The following TRPS1 variants were observed in gnomAD, a reference collection of about 807,000 sequenced individuals.
TRPS1 encodes the protein transcriptional repressor GATA binding 1.
In TRPS1, 6 loss-of-function variants were observed where a neutral mutation model predicts 101.2. The observed-to-expected ratio is 0.06, with a 90% CI of 0.03 to 0.12. The LOEUF (loss-of-function observed/expected upper bound fraction) is 0.12. Among genes scored for constraint, TRPS1 ranks in the 10% least tolerant of loss-of-function variants. TRPS1 has a pLI of 1.00. For synonymous variants in TRPS1, 578 were observed against 589.8 expected (o/e 0.98, Z 0.29); for missense variants, 1,363 against 1,567.0 (o/e 0.87, Z 2.20).
chr8:115,561,936 G>A (rs1816954997), intron 5 of TRPS1, among the ~76,000 whole-genome samples: 1 of 152,016 alleles, frequency 6.6e-6, no homozygotes, highest in Non-Finnish European at 1.5e-5. Context: ...TTAATCATGT[G>A]CAGATCATGA....
chr8:115,438,718 C>A (rs898694288), intron 5 of TRPS1, among the ~76,000 whole-genome samples: 1 of 151,994 alleles, frequency 6.6e-6, no homozygotes, highest in Non-Finnish European at 1.5e-5. Flanking sequence ...ACATTTTCTG[C>A]CTCCCTCCCT....
At chr8:115,661,191 T>C (rs1400297871) in intron 1 of TRPS1, among the ~76,000 whole-genome samples, 2 of 152,048 alleles carry the variant, frequency 1.3e-5, no homozygotes, top group Non-Finnish European at 2.9e-5. Context: ...AAAAATTCCT[T>C]AGTAAATTCA....
intron 5 of TRPS1, among the ~76,000 whole-genome samples, chr8:115,453,801 T>C (rs1813944234): frequency 6.6e-6 from 1 of 152,258 alleles, no homozygotes; most frequent in Non-Finnish European, 1.5e-5. Flanking sequence ...GTATATAAAA[T>C]GTACAAATTG....
At chr8:115,526,274 C>CAA (rs1815996666) in intron 5 of TRPS1, among the ~76,000 whole-genome samples, 1 of 151,960 alleles carries the variant, frequency 6.6e-6, no homozygotes, top group South Asian at 2.1e-4. Context: ...ACGCCACTTA[C>CAA]ACTCCAGCGT....
rs1034189262 is a variant in TRPS1 at position 115,639,601 on chromosome 8, G to A, written c.-121-15843C>T. On this transcript the variant is annotated intron_variant, in intron 1 of 6. Transcript: ENST00000395715. ...TCCCAGCACTTTGGAAGGCCAAGTCGGTGGACCACTTGAGTCCAGGAGTTG... is the reference window on the plus strand; with the variant it reads ...TCCCAGCACTTTGGAAGGCCAAGTCAGTGGACCACTTGAGTCCAGGAGTTG... Among the ~76,000 whole-genome samples the A allele has an allele frequency of 5.3e-5, 8 of 151,890 alleles. No individual in the cohort carries two copies. In the East Asian group the frequency reaches 5.8e-4, roughly 11 times the overall value.
intron 5 of TRPS1, 162 bp downstream of exon 5, chr8:115,586,839 G>A (rs1817569884): frequency 8.7e-7 from 1 of 1,151,970 alleles, no homozygotes; most frequent in African/African-American, 1.5e-5. Context: ...AAACACACAT[G>A]AGTTACTTGC....
Position 115,604,311 on chromosome 8 carries a change from A to C in TRPS1, c.1658T>G (p.Val553Gly). The C allele has an allele frequency of 6.2e-7, 1 of 1,614,112 alleles. No homozygotes were observed. The highest frequency in any genetic ancestry group is 8.5e-7 in the Non-Finnish European group (1 of 1,180,010). The change falls in exon 4 of 7, where the codon GTA (valine) becomes GGA (glycine). Residue 553 changes from valine to glycine, a missense_variant. By Grantham distance (109) the Val-to-Gly change is moderately radical (BLOSUM62 -3). Transcript: ENST00000395715. The surrounding 1 kb of genome is among the most constrained non-coding windows in gnomAD (Gnocchi z 4.1). ...FRYSKSHGPD[V>G]IVVGPLLRHY... Reference sequence around the variant, plus strand: ...ACGGAGAAGTGGCCCCACTACAATTACATCAGGGCCATGGCTTTTGGAATA... The same window carrying C: ...ACGGAGAAGTGGCCCCACTACAATTCCATCAGGGCCATGGCTTTTGGAATA...
intron 5 of TRPS1, among the ~76,000 whole-genome samples, chr8:115,579,517 T>C (rs1817394741): frequency 6.6e-6 from 1 of 152,126 alleles, no homozygotes. Context: ...ATCTTATCAC[T>C]TCCTTCACAC....
At chr8:115,432,056 A>G (rs987844894) in intron 5 of TRPS1, among the ~76,000 whole-genome samples, 4 of 151,880 alleles carry the variant, frequency 2.6e-5, no homozygotes, top group Non-Finnish European at 5.9e-5. Context: ...ATATATTTAA[A>G]AAATTCAGAG....
rs759891879 is a variant in TRPS1 at position 115,414,900 on chromosome 8, T to C, written c.3008A>G (p.Glu1003Gly). 4.3e-6 allele frequency: 7 copies of C among 1,611,546 alleles called. No homozygotes were observed. In the South Asian group the frequency reaches 4.4e-5, roughly 10 times the overall value. The stretch of plus-strand genomic sequence containing the variant: ...GAGTGGAATTTCTCTCTGGTGACTT[T>C]CAGTTAGATGATCTTCTGACCTCCT... ...LERRSEDHLT[E>G]SHQREIPLPS... is the part of the protein sequence containing the mutation. Residue 1003 changes from glutamate (E) to glycine (G), a missense_variant, in exon 7 of 7, where the codon GAA (glutamate) becomes GGA (glycine). By Grantham distance (98) the Glu-to-Gly change is moderately conservative. This residue lies in a region of TRPS1 where 307 missense variants were observed against 392.4 expected (regional missense o/e 0.78). Transcript: ENST00000395715. This position sits in a 1 kb window ranked among gnomAD's most constrained non-coding sequence, Gnocchi z 4.8.
At chr8:115,441,896 A>AGTGTGTGTGT (rs1459432091) in intron 5 of TRPS1, among the ~76,000 whole-genome samples, 22 of 133,156 alleles carry the variant, frequency 1.7e-4, no homozygotes, top group Admixed American at 3.0e-4. Flanking sequence ...AGAGAGAGAG[A>AGTGTGTGTGT]GAGTGTGTGT....
intron 5 of TRPS1, among the ~76,000 whole-genome samples, chr8:115,437,179 A>C (rs1813477131): frequency 6.6e-6 from 1 of 152,136 alleles, no homozygotes; most frequent in Non-Finnish European, 1.5e-5. Flanking sequence ...ATTTTCTTTT[A>C]GTTTTTTACA....
chr8:115,605,023 A>C, intron 3 of TRPS1, 21 bp from the exon 4 acceptor site: 1 of 1,610,118 alleles, frequency 6.2e-7, no homozygotes, highest in Non-Finnish European at 8.5e-7. Context: ...GAAGAAATGG[A>C]CTTTACTTCC....
chr8:115,598,033 A>G (rs1817826555), intron 4 of TRPS1, among the ~76,000 whole-genome samples: 1 of 152,168 alleles, frequency 6.6e-6, no homozygotes, highest in African/African-American at 2.4e-5. Flanking sequence ...GACTTTTGAT[A>G]TCTACAATTT....
chr8:115,616,293 T>A (rs976432262), intron 3 of TRPS1, among the ~76,000 whole-genome samples: 7 of 152,362 alleles, frequency 4.6e-5, no homozygotes, highest in African/African-American at 1.4e-4. Flanking sequence ...AAAGTGGATA[T>A]TATCAGCACA....
chr8:115,432,273 A>G (rs1416696804), intron 5 of TRPS1, among the ~76,000 whole-genome samples: 1 of 151,822 alleles, frequency 6.6e-6, no homozygotes, highest in African/African-American at 2.4e-5. Context: ...ATAATTTTAA[A>G]ACACGTGCAG....
chr8:115,527,212 T>G (rs888955982), intron 5 of TRPS1, among the ~76,000 whole-genome samples: 10 of 152,084 alleles, frequency 6.6e-5, no homozygotes, highest in African/African-American at 2.2e-4. Flanking sequence ...CTCCGCCTTC[T>G]TATTAATTTT....
chr8:115,442,405 G>A (rs957454766), intron 5 of TRPS1, among the ~76,000 whole-genome samples: 2 of 152,088 alleles, frequency 1.3e-5, no homozygotes, highest in African/African-American at 4.8e-5. Flanking sequence ...CTGCAGTGAG[G>A]TTGATACTAC....
intron 5 of TRPS1, among the ~76,000 whole-genome samples, chr8:115,422,255 C>A (rs1411515058): frequency 6.6e-6 from 1 of 152,088 alleles, no homozygotes; most frequent in Non-Finnish European, 1.5e-5. Flanking sequence ...TTCTTAAAAT[C>A]CCTTTTAAAT....
Sources: allele counts gnomAD v4.1 joint callset (sites outside exome capture counted in the v4.1 genomes callset), GRCh38; gene constraint gnomAD v4.1.1; regional missense constraint gnomAD v4.1.1; non-coding constraint Gnocchi (gnomAD v3.1); transcripts MANE v1.5; gene names NCBI Gene and HGNC (gene_info 2026-07-23, HGNC 2026-07-21).